The following STAB1 variants were observed in gnomAD, a reference collection of about 807,000 sequenced individuals.
STAB1 encodes the protein stabilin-1.
A neutral mutation model predicts 332.4 loss-of-function variants in STAB1; 250 were observed. The ratio of observed to expected loss-of-function variants is 0.75; its 90% CI spans 0.68 to 0.84. The LOEUF is 0.84. Ranked by LOEUF, STAB1 falls within the 40% of genes least tolerant of loss-of-function variation. STAB1 has a pLI of 0.00. For missense variants in STAB1, 3,249 were observed against 3,489.7 expected (o/e 0.93, Z 1.74); for synonymous variants, 1,475 against 1,390.4 (o/e 1.06, Z -1.35).
intron 33 of STAB1, 66 bp from the exon 34 acceptor site, chr3:52,514,299 G>C: frequency 6.3e-7 from 1 of 1,588,084 alleles, no homozygotes; most frequent in South Asian, 1.2e-5. Flanking sequence ...GACACAGTGG[G>C]TGTGGCGTGC....
In STAB1 at chr3:52,508,444, G is replaced by C. The variant is rs765868178; in HGVS notation, c.2235+85G>C. ...GGCCAGTGACTGGCTGTGTGTCTGG[G>C]CCAAGCCTGCCACTCTGGCCTTGGG... is the stretch of plus-strand genomic sequence containing the variant. On this transcript the variant is annotated intron_variant, in intron 21 of 68. Transcript: ENST00000321725. 6 of 1,266,956 alleles carry C rather than the reference G, an allele frequency of 4.7e-6. No individual in the cohort carries two copies. The Admixed American group carries it at 7.6e-5, about 16-fold the overall frequency. 78.5% of individuals were successfully genotyped at this position (1,266,956 alleles called of 1,614,324 possible). A position where few individuals can be genotyped will look rare whatever the true frequency, so the allele number is the denominator to read the frequency against.
At position 52,521,342 on chromosome 3, in the gene STAB1, TCTC is replaced by T. The variant is rs1274431726; in HGVS notation, c.5909-16_5909-14del. The T allele has an allele frequency of 3.1e-6, 5 of 1,613,272 alleles. No individual in the cohort carries two copies. The highest frequency in any genetic ancestry group is 1.7e-5 in the Admixed American group (1 of 59,986). On this transcript the variant is annotated splice_polypyrimidine_tract_variant and intron_variant, in intron 55 of 68. Transcript: ENST00000321725. The stretch of plus-strand genomic sequence containing the variant: ...TGAGAGCCCCTGGCCCCACCTCACT[TCTC>T]CTACCCCATCCCCAGCTTGCCCTGG...
rs145289008 is a variant in STAB1 at position 52,518,185 on chromosome 3, AC to A, written c.4762-126del. 7.5e-3 allele frequency: 11,429 copies of A among 1,522,736 alleles called. 680 individuals are homozygous for A. The African/African-American group carries it at 0.13, about 17-fold the overall frequency. 94.3% of individuals were successfully genotyped at this position (1,522,736 alleles called of 1,614,324 possible). A position where few individuals can be genotyped will look rare whatever the true frequency, so the allele number is the denominator to read the frequency against. Reference sequence around the variant, plus strand: ...ACCCATGAAACTAGCCCTGACCCCAACTCAGACCCCGCGGCTTTCCTTTCCT... The same window carrying A: ...ACCCATGAAACTAGCCCTGACCCCAATCAGACCCCGCGGCTTTCCTTTCCT... On this transcript the variant is annotated intron_variant, in intron 45 of 68. Coordinates refer to ENST00000321725, the MANE Select transcript of STAB1 (RefSeq NM_015136.3).
Position 52,515,511 on chromosome 3 carries a change from G to T in STAB1, c.3948+5G>T. The T allele has an allele frequency of 6.2e-7, 1 of 1,613,044 alleles. No homozygotes were observed. Among genetic ancestry groups the T allele is most frequent in the Non-Finnish European group, 8.5e-7 (1 of 1,179,982 alleles). On this transcript the variant is annotated splice_donor_5th_base_variant and intron_variant, in intron 37 of 68. Transcript: ENST00000321725. ...ACATGTGCCAAGAAGATCCAGGTTT[G>T]CCCTGAAGCCCCCACCCCAAGCCTG...
chr3:52,504,566 G>A lies in STAB1; in HGVS notation c.1239+17G>A. The stretch of plus-strand genomic sequence containing the variant: ...ACCATGAATGTAAGCCCCTCCCCAT[G>A]GTGGAGCTGGCCACTGGCCCTCACC... On this transcript the variant is annotated intron_variant, in intron 11 of 68. Transcript: ENST00000321725. The A allele has an allele frequency of 6.2e-7, 1 of 1,613,780 alleles. No individual in the cohort carries two copies. The highest frequency in any genetic ancestry group is 8.5e-7 in the Non-Finnish European group (1 of 1,179,940).
At chr3:52,507,733 C>T in intron 19 of STAB1, 58 bp downstream of exon 19, 1 of 1,605,694 alleles carries the variant, frequency 6.2e-7, no homozygotes, top group Admixed American at 1.7e-5. Flanking sequence ...AGGTTTCTGC[C>T]CTGGGTCACA....
chr3:52,523,816 G>C, intron 66 of STAB1, 55 bp from the exon 67 acceptor site: 1 of 1,584,226 alleles, frequency 6.3e-7, no homozygotes, highest in Non-Finnish European at 8.6e-7. Context: ...TGTGAGCCCG[G>C]GGAAGGTGGT....
chr3:52,499,529 G>A (rs148275756), intron 1 of STAB1, among the ~76,000 whole-genome samples: 1,605 of 152,320 alleles, frequency 0.011, 12 homozygotes, highest in Non-Finnish European at 0.017. Flanking sequence ...GCCACCTTCA[G>A]GTAATGATGG....
rs766251072 is a variant in STAB1, at chr3:52,501,752, T to C, written c.330T>C (p.His110=). The C allele has an allele frequency of 3.7e-5, 58 of 1,558,030 alleles. No individual in the cohort carries two copies. In the Admixed American group the frequency reaches 1.1e-3, roughly 30 times the overall value. ...CTGGCTACTGGGGTTCCCGGTGCCA[T>C]GGTATGGGAGAAAGGGGGACCCCGC... is the stretch of plus-strand genomic sequence containing the variant. The part of the protein sequence containing the change: ...CCPGYWGSRC[H]ECPGGAETPC... Residue 110 remains histidine, a splice_region_variant and synonymous_variant, in exon 3 of 69, where the codon CAT becomes CAC. Transcript: ENST00000321725.
intron 46 of STAB1, 60 bp downstream of exon 46, chr3:52,518,419 C>T (rs1419567368): frequency 3.5e-5 from 56 of 1,591,030 alleles, no homozygotes; most frequent in Non-Finnish European, 4.6e-5. Flanking sequence ...GGACTTCTGT[C>T]CCCATCTGGT....
At chr3:52,516,260 G>A (rs1298690977) in intron 38 of STAB1, 22 bp downstream of exon 38, 2 of 1,606,210 alleles carry the variant, frequency 1.2e-6, no homozygotes, top group Non-Finnish European at 1.7e-6. Context: ...GGAGGGGCGG[G>A]GGTGGGCCTC....
In STAB1 at chr3:52,523,019, C is replaced by T. The variant is rs2079128984; in HGVS notation, c.6911-6C>T. ...CTGCTGAGCCACTGACCTGCTTTTC[C>T]TGCAGATGTGGCCTGCCGATGCCGA... On this transcript the variant is annotated splice_region_variant and splice_polypyrimidine_tract_variant and intron_variant, in intron 62 of 68. Coordinates refer to ENST00000321725, the MANE Select transcript of STAB1 (RefSeq NM_015136.3). The T allele has an allele frequency of 6.3e-7, 1 of 1,582,650 alleles. No homozygotes were observed. Among genetic ancestry groups the T allele is most frequent in the Non-Finnish European group, 8.6e-7 (1 of 1,160,792 alleles).
intron 19 of STAB1, 100 bp downstream of exon 19, chr3:52,507,775 C>T (rs533132490): frequency 6.6e-7 from 1 of 1,522,512 alleles, no homozygotes; most frequent in East Asian, 2.3e-5. Flanking sequence ...GGCTGGGAGG[C>T]TAGATCACAC....
rs1380383125 is a variant in STAB1, at chr3:52,522,931, C to T, written c.6901C>T (p.Arg2301Cys). The change falls in exon 62 of 69, where the codon CGT becomes TGT. Residue 2301 changes from arginine to cysteine, a missense_variant. Physicochemically the swap from Arg to Cys is radical, Grantham distance 180. Coordinates refer to ENST00000321725, the MANE Select transcript of STAB1 (RefSeq NM_015136.3). ...AGAACGCTGGGATGCCTACTGCTTCCGTGTGCAAGGTGTGTCCACCCGACC... is the reference window on the plus strand; with the variant it reads ...AGAACGCTGGGATGCCTACTGCTTCTGTGTGCAAGGTGTGTCCACCCGACC... ...LSERWDAYCF[R>C]VQDVACRCRN... The T allele has an allele frequency of 1.1e-5, 18 of 1,613,058 alleles. No individual in the cohort carries two copies. Among genetic ancestry groups the T allele is most frequent in the East Asian group, 2.2e-5 (1 of 44,890 alleles).
In STAB1 at chr3:52,512,610, T is replaced by C. The variant is rs1276885239; in HGVS notation, c.2994T>C (p.Asn998=). ...CCTTCCCTTAGGAGCTGGAGGCAAA[T>C]GCCCACTTCTCCATCTTCTACCAAT... ...YGDIFRELEA[N]AHFSIFYQWL... is the part of the protein sequence containing the mutation. Residue 998 remains asparagine, a synonymous_variant, in exon 28 of 69, where the codon AAT becomes AAC. Coordinates refer to ENST00000321725, the MANE Select transcript of STAB1 (RefSeq NM_015136.3). 1 of 1,613,846 alleles carries C rather than the reference T, an allele frequency of 6.2e-7. No individual in the cohort carries two copies. Among genetic ancestry groups the C allele is most frequent in the East Asian group, 2.2e-5 (1 of 44,878 alleles).
At position 52,503,558 on chromosome 3, in the gene STAB1, G is replaced by A. The variant is rs767187273; in HGVS notation, c.891+18G>A. 3.4e-5 allele frequency: 55 copies of A among 1,610,770 alleles called. No homozygotes were observed. The highest frequency in any genetic ancestry group is 4.7e-5 in the Non-Finnish European group (55 of 1,178,514). On this transcript the variant is annotated intron_variant, in intron 8 of 68. Transcript: ENST00000321725. Reference sequence around the variant, plus strand: ...CGGGCCAGGTGAGCCAGGGTCCCAGGCCGGAACTGTCCCCACAGTGCACCC... The same window carrying A: ...CGGGCCAGGTGAGCCAGGGTCCCAGACCGGAACTGTCCCCACAGTGCACCC...
rs553890888 is a variant in STAB1 at position 52,517,204 on chromosome 3, A to T, written c.4489+95A>T. On this transcript the variant is annotated intron_variant, in intron 42 of 68. Coordinates refer to ENST00000321725, the MANE Select transcript of STAB1 (RefSeq NM_015136.3). ...AGGAAGGGCTGAAGGGGCACATGGG[A>T]CTTGTGGGGACTGGGGGCGCTGAGA... 1.0e-5 allele frequency: 15 copies of T among 1,488,338 alleles called. No homozygotes were observed. In the Admixed American group the frequency reaches 3.6e-4, roughly 36 times the overall value. The allele number at this position is 1,488,338 out of a possible 1,614,324, so 92.2% of individuals were successfully genotyped here.
At chr3:52,519,747 G>T in intron 50 of STAB1, 183 bp downstream of exon 50, 5 of 1,093,098 alleles carry the variant, frequency 4.6e-6, no homozygotes, top group Non-Finnish European at 6.5e-6. Context: ...GAGCACATGG[G>T]TGTGCTTATG....
At chr3:52,513,011 C>T in intron 29 of STAB1, 53 bp downstream of exon 29, 1 of 1,586,216 alleles carries the variant, frequency 6.3e-7, no homozygotes, top group Non-Finnish European at 8.6e-7. Flanking sequence ...GGACCCAGTC[C>T]CTCCCCAGCG....
Sources: allele counts gnomAD v4.1 joint callset (sites outside exome capture counted in the v4.1 genomes callset), GRCh38; gene constraint gnomAD v4.1.1; transcripts MANE v1.5; gene names NCBI Gene and HGNC (gene_info 2026-07-23, HGNC 2026-07-21).